Variants in CSMD2 observed in about 807,000 individuals in gnomAD.
The protein encoded by CSMD2 is CUB and Sushi multiple domains 2.
In CSMD2, 130 loss-of-function variants were observed where a neutral mutation model predicts 398.5. The observed-to-expected ratio is 0.33, with a 90% CI of 0.28 to 0.38. The LOEUF is 0.38. Ranked by LOEUF, CSMD2 falls within the 10% of genes least tolerant of loss-of-function variation. The pLI is 1.00. For synonymous variants in CSMD2, 1,828 were observed against 1,908.5 expected (o/e 0.96, Z 1.10); for missense variants, 3,829 against 4,764.9 (o/e 0.80, Z 5.78).
intron 1 of CSMD2, among the ~76,000 whole-genome samples, chr1:34,098,682 A>G (rs1296017157): frequency 6.6e-6 from 1 of 152,110 alleles, no homozygotes; most frequent in Non-Finnish European, 1.5e-5. Flanking sequence ...GAGAAAAGAA[A>G]AAGACTTTTG....
chr1:33,568,339 C>T (rs938229743), intron 52 of CSMD2, among the ~76,000 whole-genome samples: 3 of 152,124 alleles, frequency 2.0e-5, no homozygotes, highest in African/African-American at 7.2e-5. Flanking sequence ...AGGCATCCAC[C>T]ACCATACCCA....
chr1:34,022,738 T>A (rs1444820905), intron 3 of CSMD2, among the ~76,000 whole-genome samples: 1 of 152,110 alleles, frequency 6.6e-6, no homozygotes, highest in Non-Finnish European at 1.5e-5. Flanking sequence ...GGGATGGAGG[T>A]AGGGCTCATG....
In CSMD2 at chr1:33,624,939, G is replaced by C. The variant is rs1642011120; in HGVS notation, c.5500+112C>G. The C allele has an allele frequency of 8.8e-7, 1 of 1,130,922 alleles. No homozygotes were observed. Among genetic ancestry groups the C allele is most frequent in the Non-Finnish European group, 1.3e-6 (1 of 768,014 alleles). 70.1% of individuals were successfully genotyped at this position (1,130,922 alleles called of 1,614,324 possible). On this transcript the variant is annotated intron_variant, in intron 34 of 70. Transcript: ENST00000373381. The surrounding 1 kb of genome is among the most constrained non-coding windows in gnomAD (Gnocchi z 4.7). Reference sequence around the variant, plus strand: ...GACACCCCACCTCAGCCATGCGGTGGGAAGCGGCTGCTGTGTGTCGTGGGG... The same window carrying C: ...GACACCCCACCTCAGCCATGCGGTGCGAAGCGGCTGCTGTGTGTCGTGGGG...
intron 25 of CSMD2, among the ~76,000 whole-genome samples, chr1:33,668,633 T>C (rs1424663093): frequency 6.6e-6 from 1 of 152,220 alleles, no homozygotes; most frequent in Non-Finnish European, 1.5e-5. Flanking sequence ...GGTCTTCTTC[T>C]GGCTTTTGAT....
At chr1:33,847,338 T>C (rs928887774) in intron 5 of CSMD2, among the ~76,000 whole-genome samples, 1 of 151,684 alleles carries the variant, frequency 6.6e-6, no homozygotes, top group Non-Finnish European at 1.5e-5. Context: ...TATTCACCTG[T>C]AACGCTTTCT....
chr1:33,598,793 T>G (rs1443733934), intron 44 of CSMD2: 1 of 150,032 alleles, frequency 6.7e-6, no homozygotes. Context: ...TGCCTCAGCC[T>G]CCTGAGTAGC....
intron 4 of CSMD2, among the ~76,000 whole-genome samples, chr1:33,925,922 C>T (rs1172757303): frequency 5.3e-5 from 8 of 152,136 alleles, no homozygotes; most frequent in African/African-American, 7.2e-5. Flanking sequence ...TTCCCTATCT[C>T]GTTGGGCCTG....
chr1:33,543,791 A>G (rs995864024), intron 57 of CSMD2, among the ~76,000 whole-genome samples: 1 of 152,224 alleles, frequency 6.6e-6, no homozygotes, highest in Non-Finnish European at 1.5e-5. Flanking sequence ...TACTGTTCAT[A>G]TAGGAACGCC....
chr1:33,908,352 AG>A (rs1643244534), intron 5 of CSMD2, among the ~76,000 whole-genome samples: 1 of 152,252 alleles, frequency 6.6e-6, no homozygotes, highest in Non-Finnish European at 1.5e-5. Flanking sequence ...TGCCAGAACA[AG>A]GGGCTCTGGA....
intron 15 of CSMD2, among the ~76,000 whole-genome samples, chr1:33,736,737 C>T (rs926224700): frequency 6.6e-6 from 1 of 152,164 alleles, no homozygotes; most frequent in Non-Finnish European, 1.5e-5. Flanking sequence ...TGCCCTGAGA[C>T]CACTCACAGT....
chr1:33,891,859 T>C (rs374429176), intron 5 of CSMD2, among the ~76,000 whole-genome samples: 1 of 122,374 alleles, frequency 8.2e-6, no homozygotes, highest in Admixed American at 1.1e-4. Flanking sequence ...TGAGAACACA[T>C]GGACACAGGA....
intron 2 of CSMD2, among the ~76,000 whole-genome samples, chr1:34,033,961 T>A (rs760553126): frequency 6.6e-6 from 1 of 152,120 alleles, no homozygotes. Flanking sequence ...GAAAAAATTA[T>A]CAAATTATGC....
chr1:33,790,661 G>GTCTGTCTGTCTATCTA (rs575317509), intron 11 of CSMD2, among the ~76,000 whole-genome samples: 6 of 149,728 alleles, frequency 4.0e-5, no homozygotes, highest in African/African-American at 1.5e-4. Context: ...CTGTTTGTCT[G>GTCTGTCTGTCTATCTA]TCTATCTATC....
At chr1:34,068,755 T>C (rs532036831) in intron 2 of CSMD2, among the ~76,000 whole-genome samples, 23 of 152,128 alleles carry the variant, frequency 1.5e-4, no homozygotes, top group Non-Finnish European at 2.9e-4. Flanking sequence ...CAGTGGGAGG[T>C]AATTGAATCA....
intron 50 of CSMD2, 23 bp downstream of exon 50, chr1:33,572,483 G>A (rs760517996): frequency 4.0e-6 from 6 of 1,509,348 alleles, no homozygotes; most frequent in East Asian, 2.4e-5. Context: ...CCTTACACCC[G>A]CCTCCATTGC....
chr1:34,033,747 G>A (rs781455854), intron 2 of CSMD2, among the ~76,000 whole-genome samples: 15 of 152,158 alleles, frequency 9.9e-5, no homozygotes, highest in Non-Finnish European at 1.5e-4. Flanking sequence ...CCTGGGTGCC[G>A]CTGTATACCT....
chr1:33,693,046 T>A lies in CSMD2; in HGVS notation c.3936A>T (p.Gly1312=). The A allele has an allele frequency of 6.3e-7, 1 of 1,596,568 alleles. No homozygotes were observed. Among genetic ancestry groups the A allele is most frequent in the African/African-American group, 1.4e-5 (1 of 73,968 alleles). The change falls in exon 25 of 71, where the codon GGA becomes GGT. Residue 1312 remains glycine (G), a synonymous_variant. Coordinates refer to ENST00000373381, the MANE Select transcript of CSMD2 (RefSeq NM_001281956.2). Reference sequence around the variant, plus strand: ...CCGACACCTCTCCTCTCACTGTCCCTCCACACTCGGCTGAAAGAAATCCCA... The same window carrying A: ...CCGACACCTCTCCTCTCACTGTCCCACCACACTCGGCTGAAAGAAATCCCA... ...RPLPTCVAEC[G]GTVRGEVSGQ... is the part of the protein sequence containing the mutation.
intron 2 of CSMD2, among the ~76,000 whole-genome samples, chr1:34,049,097 C>T (rs1652875914): frequency 6.6e-6 from 1 of 152,166 alleles, no homozygotes; most frequent in East Asian, 1.9e-4. Flanking sequence ...GAGCCCACAG[C>T]TGTGAAGTGT....
At chr1:33,803,379 T>A (rs1655840851) in intron 10 of CSMD2, among the ~76,000 whole-genome samples, 3 of 152,178 alleles carry the variant, frequency 2.0e-5, no homozygotes. Context: ...ATCCAGTATA[T>A]CCAAATGACA....
Sources: allele counts gnomAD v4.1 joint callset (sites outside exome capture counted in the v4.1 genomes callset), GRCh38; gene constraint gnomAD v4.1.1; non-coding constraint Gnocchi (gnomAD v3.1); transcripts MANE v1.5; gene names NCBI Gene and HGNC (gene_info 2026-07-23, HGNC 2026-07-21).